Variants in RBM26 observed in about 807,000 individuals in gnomAD.
RBM26 encodes the protein RNA-binding protein 26.
A neutral mutation model predicts 123.6 loss-of-function variants in RBM26; 30 were observed. The ratio of observed to expected loss-of-function variants is 0.24; its 90% CI spans 0.18 to 0.33. The LOEUF is 0.33. RBM26 is among the 10% of genes least tolerant of loss of function. The pLI, the probability that RBM26 is intolerant of heterozygous loss-of-function variation, is 1.00. For missense variants in RBM26, 947 were observed against 1,203.6 expected, an observed-to-expected ratio of 0.79 and a Z score of 3.15; for synonymous variants, 400 against 404.4, an observed-to-expected ratio of 0.99 and a Z score of 0.13.
intron 1 of RBM26, among the ~76,000 whole-genome samples, chr13:79,388,432 C>A (rs2077667633): frequency 6.6e-6 from 1 of 152,186 alleles, no homozygotes; most frequent in South Asian, 2.1e-4. Context: ...TCAAGTAACT[C>A]CTGTTTTAAC....
chr13:79,323,146 T>C (rs1240096574), intron 20 of RBM26, among the ~76,000 whole-genome samples: 1 of 151,548 alleles, frequency 6.6e-6, no homozygotes, highest in Admixed American at 6.6e-5. Flanking sequence ...AAAATAGTCA[T>C]GTCTAAGTAC....
intron 1 of RBM26, among the ~76,000 whole-genome samples, chr13:79,379,500 G>A (rs1449426214): frequency 1.3e-5 from 2 of 151,304 alleles, no homozygotes; most frequent in African/African-American, 2.4e-5. Context: ...TTGGGATCAC[G>A]TCACTGCATT....
chr13:79,390,408 A>T (rs1418828390), intron 1 of RBM26, among the ~76,000 whole-genome samples: 1 of 152,150 alleles, frequency 6.6e-6, no homozygotes, highest in African/African-American at 2.4e-5. Context: ...TATATAGTGT[A>T]AAAAAGGCAG....
intron 19 of RBM26, among the ~76,000 whole-genome samples, chr13:79,335,241 T>G (rs1238186213): frequency 1.3e-5 from 2 of 152,124 alleles, no homozygotes; most frequent in Non-Finnish European, 2.9e-5. Flanking sequence ...GCCACTAAGA[T>G]TCTAGCTCTG....
At position 79,398,666 on chromosome 13, in the gene RBM26, C is replaced by T. The variant is rs547579165; in HGVS notation, c.71+7038G>A. On this transcript the variant is annotated intron_variant, in intron 1 of 21. Transcript: ENST00000438737. ...ATAGCAACATTCAATAATACTTTAA[C>T]AAGTAAATATTAATATACTTCAATG... Among the ~76,000 whole-genome samples, 48 of 152,020 alleles carry T rather than the reference C, an allele frequency of 3.2e-4. 1 individual carries two copies. In the South Asian group the frequency reaches 9.1e-3, roughly 29 times the overall value.
intron 1 of RBM26, among the ~76,000 whole-genome samples, chr13:79,403,175 T>A (rs1422139196): frequency 6.6e-6 from 1 of 151,786 alleles, no homozygotes; most frequent in Non-Finnish European, 1.5e-5. Flanking sequence ...ATAATTGGGA[T>A]CAGCTTTTAT....
intron 14 of RBM26, among the ~76,000 whole-genome samples, chr13:79,351,028 T>C (rs1330192546): frequency 6.6e-6 from 1 of 152,206 alleles, no homozygotes; most frequent in Non-Finnish European, 1.5e-5. Context: ...TTTTTTCCCA[T>C]AAAAATTCAG....
At chr13:79,324,839 GCTGT>G (rs2068135657) in intron 20 of RBM26, among the ~76,000 whole-genome samples, 1 of 151,548 alleles carries the variant, frequency 6.6e-6, no homozygotes, top group Admixed American at 6.6e-5. Flanking sequence ...AAGACATAAT[GCTGT>G]CTTTTTTCCA....
intron 1 of RBM26, among the ~76,000 whole-genome samples, chr13:79,393,850 C>T (rs1029619071): frequency 5.3e-4 from 81 of 152,174 alleles, no homozygotes; most frequent in African/African-American, 1.9e-3. Flanking sequence ...TTGGGGTTTC[C>T]TGTTTTTTCA....
chr13:79,363,821 T>C (rs1490921330), intron 9 of RBM26, among the ~76,000 whole-genome samples: 2 of 152,266 alleles, frequency 1.3e-5, no homozygotes, highest in Non-Finnish European at 1.5e-5. Context: ...TGTAGTAGCA[T>C]GTATTTACAG....
downstream of RBM26, chr13:79,315,043 T>G: frequency 9.0e-7 from 1 of 1,112,092 alleles, no homozygotes; most frequent in Non-Finnish European, 1.2e-6. Context: ...AGCAAATAAA[T>G]CTAAAACTTG....
intron 20 of RBM26, among the ~76,000 whole-genome samples, chr13:79,323,560 T>C (rs1008578939): frequency 4.0e-5 from 6 of 151,612 alleles, no homozygotes; most frequent in Non-Finnish European, 8.9e-5. Context: ...ATGTATCATA[T>C]TCTATAAGGA....
intron 6 of RBM26, among the ~76,000 whole-genome samples, chr13:79,368,153 T>C (rs1196039154): frequency 6.6e-6 from 1 of 151,956 alleles, no homozygotes; most frequent in Non-Finnish European, 1.5e-5. Context: ...GCCTCCCGAG[T>C]AGCTGGGACT....
chr13:79,341,335 ATCTCCAGTATAATCAC>A, intron 17 of RBM26, 108 bp from the exon 18 acceptor site: 2 of 619,480 alleles, frequency 3.2e-6, no homozygotes, highest in Non-Finnish European at 5.4e-6. Flanking sequence ...ATATATTTCT[ATCTCCAGTATAATCAC>A]TCTAATCCAA....
intron 3 of RBM26, among the ~76,000 whole-genome samples, chr13:79,374,504 A>G (rs1001270345): frequency 2.0e-5 from 3 of 152,154 alleles, no homozygotes; most frequent in African/African-American, 7.2e-5. Context: ...AAACAAAAAA[A>G]AGTGTGCCAC....
chr13:79,371,964 T>G, intron 3 of RBM26, 34 bp from the exon 4 acceptor site: 6 of 1,438,784 alleles, frequency 4.2e-6, no homozygotes, highest in Non-Finnish European at 5.8e-6. Flanking sequence ...TGTACAAGTT[T>G]AGTAATTATT....
chr13:79,312,886 T>C (rs1464790671), exon 5 of RBM26: 3 of 151,926 alleles, frequency 2.0e-5, no homozygotes, highest in Non-Finnish European at 4.4e-5. Flanking sequence ...TGAAAGGTTT[T>C]ATAGCACCAA....
chr13:79,378,369 ATTTAAC>A (rs1387029499), intron 2 of RBM26, among the ~76,000 whole-genome samples: 1 of 152,196 alleles, frequency 6.6e-6, no homozygotes, highest in African/African-American at 2.4e-5. Flanking sequence ...AATATTGTTT[ATTTAAC>A]TTTGTTAAAA....
chr13:79,326,833 A>G (rs2068495724), intron 20 of RBM26, among the ~76,000 whole-genome samples: 1 of 152,140 alleles, frequency 6.6e-6, no homozygotes, highest in African/African-American at 2.4e-5. Flanking sequence ...AATCATTTTA[A>G]AAAGTAAAAA....
Sources: gnomAD v4.1 joint callset for allele counts (sites outside exome capture counted in the v4.1 genomes callset) on GRCh38, gnomAD v4.1.1 for gene constraint, MANE v1.5 for transcripts, NCBI Gene and HGNC (gene_info 2026-07-23, HGNC 2026-07-21) for gene names.